SAMD12: variants seen among roughly 807,000 people sequenced by gnomAD.
The protein encoded by SAMD12 is sterile alpha motif domain containing 12.
In SAMD12, 9 loss-of-function variants were observed where a neutral mutation model predicts 15.0. That is an observed-to-expected ratio of 0.60 (90% confidence interval 0.36 to 1.05). SAMD12 has a LOEUF of 1.05. Among genes scored for constraint, SAMD12 ranks in the 50% least tolerant of loss-of-function variants. The pLI, the probability that SAMD12 is intolerant of heterozygous loss-of-function variation, is 0.01. For missense variants in SAMD12, 230 were observed against 234.2 expected (o/e 0.98, Z 0.12); for synonymous variants, 86 against 90.1 (o/e 0.96, Z 0.25).
intron 2 of SAMD12, among the ~76,000 whole-genome samples, chr8:118,534,912 TTTG>T (rs1351091013): frequency 1.3e-5 from 2 of 152,008 alleles, no homozygotes; most frequent in Non-Finnish European, 2.9e-5. Context: ...CTTGGAGAAG[TTTG>T]TTTTTACTGA....
intron 4 of SAMD12, among the ~76,000 whole-genome samples, chr8:118,362,929 C>T (rs1403547691): frequency 2.0e-5 from 3 of 152,072 alleles, no homozygotes; most frequent in African/African-American, 4.8e-5. Flanking sequence ...CTTAGGGACC[C>T]AATAGCTCAG....
At chr8:118,620,151 T>C (rs1376436632) in intron 1 of SAMD12, among the ~76,000 whole-genome samples, 1 of 152,120 alleles carries the variant, frequency 6.6e-6, no homozygotes, top group Non-Finnish European at 1.5e-5. Flanking sequence ...AATTTATACT[T>C]CTTACAGGGA....
At chr8:118,209,743 G>A (rs1445478692) in intron 4 of SAMD12, among the ~76,000 whole-genome samples, 1 of 152,152 alleles carries the variant, frequency 6.6e-6, no homozygotes, top group Admixed American at 6.5e-5. Flanking sequence ...CAAAGCTGTG[G>A]GGCTTAAACC....
intron 1 of SAMD12, among the ~76,000 whole-genome samples, chr8:118,616,545 G>A (rs983644885): frequency 6.6e-6 from 1 of 152,154 alleles, no homozygotes; most frequent in Non-Finnish European, 1.5e-5. Flanking sequence ...TACACTTCTG[G>A]TCTCCCTCTT....
At chr8:118,440,699 C>CACACACACAA (rs1822727637) in intron 2 of SAMD12, among the ~76,000 whole-genome samples, 1 of 130,992 alleles carries the variant, frequency 7.6e-6, no homozygotes, top group Non-Finnish European at 1.6e-5. Flanking sequence ...CACACACAAA[C>CACACACACAA]ACACACACAC....
chr8:118,597,516 T>G (rs1294522681), intron 1 of SAMD12, among the ~76,000 whole-genome samples: 1 of 152,154 alleles, frequency 6.6e-6, no homozygotes, highest in African/African-American at 2.4e-5. Context: ...GAGAAAAGCA[T>G]CCCAAGCTAG....
chr8:118,515,810 G>A (rs763520506), intron 2 of SAMD12, among the ~76,000 whole-genome samples: 2 of 152,172 alleles, frequency 1.3e-5, no homozygotes, highest in Non-Finnish European at 2.9e-5. Flanking sequence ...GCCCACAGGA[G>A]GCTGTGTTTA....
intron 4 of SAMD12, among the ~76,000 whole-genome samples, chr8:118,287,154 T>A (rs929230449): frequency 1.3e-5 from 2 of 148,562 alleles, no homozygotes; most frequent in African/African-American, 5.1e-5. Flanking sequence ...AGACGGAGTC[T>A]CGCTCTTTCG....
chr8:118,526,896 G>A (rs1393393125), intron 2 of SAMD12, among the ~76,000 whole-genome samples: 1 of 152,162 alleles, frequency 6.6e-6, no homozygotes, highest in Non-Finnish European at 1.5e-5. Context: ...AGGAATTTGA[G>A]AGTCAGTTTC....
chr8:118,579,934 G>T (rs1306840920), intron 2 of SAMD12, among the ~76,000 whole-genome samples: 1 of 152,180 alleles, frequency 6.6e-6, no homozygotes, highest in Non-Finnish European at 1.5e-5. Flanking sequence ...ATTGTAGGGA[G>T]CCTTTAGAAG....
intron 2 of SAMD12, among the ~76,000 whole-genome samples, chr8:118,577,728 A>G (rs1394694831): frequency 6.6e-6 from 1 of 152,204 alleles, no homozygotes; most frequent in Non-Finnish European, 1.5e-5. Flanking sequence ...CAGATACAAA[A>G]GCACCTTACC....
chr8:118,365,194 T>C (rs1221361755), intron 4 of SAMD12, among the ~76,000 whole-genome samples: 8 of 152,194 alleles, frequency 5.3e-5, no homozygotes, highest in African/African-American at 1.7e-4. Flanking sequence ...ACCCTCTAAC[T>C]ATATTAGGCT....
chr8:118,231,174 G>A (rs1018765106), intron 4 of SAMD12, among the ~76,000 whole-genome samples: 2 of 152,252 alleles, frequency 1.3e-5, no homozygotes, highest in East Asian at 3.9e-4. Flanking sequence ...CAGAGTAGAT[G>A]ATAAAATATT....
intron 3 of SAMD12, 30 bp downstream of exon 3, chr8:118,439,802 G>T (rs748401097): frequency 1.2e-6 from 2 of 1,605,650 alleles, no homozygotes; most frequent in South Asian, 1.1e-5. Flanking sequence ...AAGAAAAGGA[G>T]TGAAATATCT....
At chr8:118,323,153 G>A (rs1433965298) in intron 4 of SAMD12, among the ~76,000 whole-genome samples, 1 of 152,184 alleles carries the variant, frequency 6.6e-6, no homozygotes, top group Non-Finnish European at 1.5e-5. Flanking sequence ...GTGGAACAGA[G>A]TCACCCACTG....
intron 2 of SAMD12, among the ~76,000 whole-genome samples, chr8:118,533,414 C>A (rs1445274218): frequency 2.0e-5 from 3 of 152,170 alleles, no homozygotes; most frequent in Non-Finnish European, 4.4e-5. Flanking sequence ...AATGTATATT[C>A]TGTTGATTTG....
At chr8:118,287,187 C>G (rs1814081568) in intron 4 of SAMD12, among the ~76,000 whole-genome samples, 1 of 148,454 alleles carries the variant, frequency 6.7e-6, no homozygotes, top group Admixed American at 6.7e-5. Context: ...TACAGTGGCT[C>G]TATCTCGGCT....
chr8:118,478,033 G>A (rs4876846), intron 2 of SAMD12, among the ~76,000 whole-genome samples: 16,563 of 118,328 alleles, frequency 0.14, 1,286 homozygotes, highest in Non-Finnish European at 0.19. Flanking sequence ...AAAAAAAAAA[G>A]AATTATATAT....
rs529427865 is a variant in SAMD12, at chr8:118,617,902, C to G, written c.13+3902G>C. On this transcript the variant is annotated intron_variant, in intron 1 of 3. Transcript: ENST00000314727. ...GCAACCCATTTCTGTTAGAAAACATCAATAGGTTTAACCGTCTATACACAG... is the reference window on the plus strand; with the variant it reads ...GCAACCCATTTCTGTTAGAAAACATGAATAGGTTTAACCGTCTATACACAG... Among the ~76,000 whole-genome samples the G allele has an allele frequency of 2.0e-5, 3 of 152,230 alleles. No homozygotes were observed. The East Asian group carries it at 5.8e-4, about 29-fold the overall frequency.
Sources: gnomAD v4.1 joint callset for allele counts (sites outside exome capture counted in the v4.1 genomes callset) on GRCh38, gnomAD v4.1.1 for gene constraint, MANE v1.5 for transcripts, NCBI Gene and HGNC (gene_info 2026-07-23, HGNC 2026-07-21) for gene names.